The following CEP112 variants were observed in gnomAD, a reference collection of about 807,000 sequenced individuals.
The protein encoded by CEP112 is centrosomal protein 112, also known as centrosomal protein of 112 kDa.
A neutral mutation model predicts 153.0 loss-of-function variants in CEP112; 127 were observed. That is an observed-to-expected ratio of 0.83 (90% CI 0.72 to 0.96). The LOEUF (loss-of-function observed/expected upper bound fraction) is 0.96, where lower values mean the gene tolerates loss of function less well. Among genes scored for constraint, CEP112 ranks in the 40% least tolerant of loss-of-function variants. The pLI is 0.00. For missense variants in CEP112, 1,089 were observed against 1,101.2 expected, an observed-to-expected ratio of 0.99 and a Z score of 0.16; for synonymous variants, 358 against 374.4, an observed-to-expected ratio of 0.96 and a Z score of 0.51.
chr17:65,919,578 G>A lies in CEP112; in HGVS notation c.1980+8004C>T, dbSNP rs2060626610. ...GACAGGTACCTAAATGAATGAGTCA[G>A]CGGTGGAATCAGAGAAGTCGGTCTG... On this transcript the variant is annotated intron_variant, in intron 19 of 26. Transcript: ENST00000535342. Among the ~76,000 whole-genome samples, 4 of 152,182 alleles carry A rather than the reference G, an allele frequency of 2.6e-5. No individual in the cohort carries two copies. The South Asian group carries it at 8.3e-4, about 31-fold the overall frequency.
chr17:65,907,001 C>T (rs7214750), intron 19 of CEP112, among the ~76,000 whole-genome samples: 8,812 of 152,124 alleles, frequency 0.058, 281 homozygotes, highest in Admixed American at 0.075. Flanking sequence ...TTCTTGAAAG[C>T]CTCAGAAATA....
chr17:65,831,339 C>T (rs1487019248), intron 21 of CEP112, among the ~76,000 whole-genome samples: 11 of 152,092 alleles, frequency 7.2e-5, no homozygotes, highest in Admixed American at 2.0e-4. Flanking sequence ...GGGTGGATCA[C>T]GAGGTCAGGA....
At chr17:65,974,412 C>G (rs998094927) in intron 17 of CEP112, among the ~76,000 whole-genome samples, 3 of 152,150 alleles carry the variant, frequency 2.0e-5, no homozygotes, top group Non-Finnish European at 1.5e-5. Flanking sequence ...CCAAGAGAAA[C>G]TTAAGTCAGT....
intron 4 of CEP112, among the ~76,000 whole-genome samples, chr17:66,156,127 AG>A (rs1237244170): frequency 2.0e-5 from 3 of 152,142 alleles, no homozygotes; most frequent in African/African-American, 7.2e-5. Context: ...AACCTCATAC[AG>A]GAGAGCTCCG....
chr17:65,692,015 G>A (rs1322129203), intron 23 of CEP112, among the ~76,000 whole-genome samples: 1 of 152,160 alleles, frequency 6.6e-6, no homozygotes, highest in Non-Finnish European at 1.5e-5. Flanking sequence ...ACGCTGTGCC[G>A]TAGGAAGCCT....
chr17:65,654,921 G>A (rs755191684), intron 24 of CEP112: 11 of 591,958 alleles, frequency 1.9e-5, no homozygotes, highest in Middle Eastern at 3.5e-4. Flanking sequence ...AGAGGAACTC[G>A]GACAGCGATC....
chr17:65,885,438 C>T lies in CEP112; in HGVS notation c.2163+16714G>A, dbSNP rs145201668. ...CAGATCAATAGCAGAGTAAGGGGAACTATTTTAATGCAAAACAAGTCATTG... is the reference window on the plus strand; with the variant it reads ...CAGATCAATAGCAGAGTAAGGGGAATTATTTTAATGCAAAACAAGTCATTG... On this transcript the variant is annotated intron_variant, in intron 20 of 26. Transcript: ENST00000535342. 3.7e-3 allele frequency among the ~76,000 whole-genome samples: 570 copies of T among 152,112 alleles called. 3 individuals carry two copies. The highest frequency in any genetic ancestry group is 0.013 in the African/African-American group (545 of 41,518).
chr17:66,112,204 T>A (rs2146384096), intron 6 of CEP112, among the ~76,000 whole-genome samples: 1 of 151,868 alleles, frequency 6.6e-6, no homozygotes, highest in East Asian at 1.9e-4. Flanking sequence ...GGCAGGAGAA[T>A]CACTTGAACT....
intron 24 of CEP112, among the ~76,000 whole-genome samples, chr17:65,649,370 C>A (rs538977313): frequency 3.8e-4 from 58 of 152,198 alleles, no homozygotes; most frequent in African/African-American, 1.3e-3. Context: ...TATGTCTCTG[C>A]ATAGTCCTTT....
intron 17 of CEP112, among the ~76,000 whole-genome samples, chr17:65,980,762 C>T (rs774716890): frequency 2.0e-5 from 3 of 151,840 alleles, no homozygotes; most frequent in Non-Finnish European, 4.4e-5. Flanking sequence ...TTCCAGCTGG[C>T]TCATCTTCTC....
intron 18 of CEP112, among the ~76,000 whole-genome samples, chr17:65,947,201 G>A (rs1031768165): frequency 7.9e-5 from 12 of 151,914 alleles, no homozygotes; most frequent in South Asian, 2.1e-4. Context: ...ACTCTCCTCC[G>A]TGCTCTCTTA....
At chr17:65,747,661 A>T (rs540447984) in intron 22 of CEP112, among the ~76,000 whole-genome samples, 1 of 152,316 alleles carries the variant, frequency 6.6e-6, no homozygotes, top group South Asian at 2.1e-4. Context: ...TAAGATAAAA[A>T]AAAATGTGAT....
At chr17:66,181,123 G>T (rs2072701562) in intron 2 of CEP112, among the ~76,000 whole-genome samples, 1 of 152,020 alleles carries the variant, frequency 6.6e-6, no homozygotes, top group Admixed American at 6.6e-5. Context: ...AGTACAATTT[G>T]GTTAATGAAA....
At chr17:65,758,111 T>G (rs1308525478) in intron 21 of CEP112, among the ~76,000 whole-genome samples, 1 of 152,154 alleles carries the variant, frequency 6.6e-6, no homozygotes, top group Non-Finnish European at 1.5e-5. Context: ...TACAGGTACA[T>G]GACACTGCCC....
intron 21 of CEP112, among the ~76,000 whole-genome samples, chr17:65,801,950 T>C (rs2055305942): frequency 6.6e-6 from 1 of 152,166 alleles, no homozygotes; most frequent in South Asian, 2.1e-4. Context: ...CTGGACATTT[T>C]CAATATTTTA....
At chr17:65,842,490 G>C (rs1255882246) in intron 21 of CEP112, among the ~76,000 whole-genome samples, 2 of 152,128 alleles carry the variant, frequency 1.3e-5, no homozygotes, top group Non-Finnish European at 2.9e-5. Flanking sequence ...AAGCCATTGA[G>C]AAGGGAGCAG....
At chr17:66,129,880 A>C (rs2070049256) in intron 5 of CEP112, 57 bp from the exon 6 acceptor site, 1 of 1,123,978 alleles carries the variant, frequency 8.9e-7, no homozygotes, top group African/African-American at 1.6e-5. Flanking sequence ...AAGAAATAAA[A>C]GGAAAAGATG....
At chr17:65,798,225 C>A (rs1184338617) in intron 21 of CEP112, among the ~76,000 whole-genome samples, 1 of 152,002 alleles carries the variant, frequency 6.6e-6, no homozygotes, top group Non-Finnish European at 1.5e-5. Flanking sequence ...CTCCTGATCT[C>A]CTCTCCAGGT....
chr17:65,951,743 G>GA (rs2061838700), intron 18 of CEP112, among the ~76,000 whole-genome samples: 1 of 78,356 alleles, frequency 1.3e-5, no homozygotes, highest in Admixed American at 1.8e-4. Flanking sequence ...ATCTTCCCCC[G>GA]CCCCCCCCTT....
Sources: allele counts gnomAD v4.1 joint callset (sites outside exome capture counted in the v4.1 genomes callset), GRCh38; gene constraint gnomAD v4.1.1; transcripts MANE v1.5; gene names NCBI Gene and HGNC (gene_info 2026-07-23, HGNC 2026-07-21).